Variants in MYL7 observed in about 807,000 individuals in gnomAD.
The protein encoded by MYL7 is myosin regulatory light chain 2, atrial isoform.
Under a neutral mutation model 22.5 loss-of-function variants are expected in MYL7, and 27 were observed. That is an observed-to-expected ratio of 1.20 (90% CI 0.89 to 1.66). The LOEUF (loss-of-function observed/expected upper bound fraction) is 1.66, where lower values mean the gene tolerates loss of function less well. Among genes scored for constraint, MYL7 ranks in the 40% most tolerant of loss-of-function variants. MYL7 has a pLI of 0.00. For missense variants in MYL7, 209 were observed against 226.8 expected, an observed-to-expected ratio of 0.92 and a Z score of 0.50; for synonymous variants, 81 against 84.4, an observed-to-expected ratio of 0.96 and a Z score of 0.22.
chr7:44,139,717 T>A, intron 5 of MYL7, 65 bp downstream of exon 5: 2 of 1,592,542 alleles, frequency 1.3e-6, no homozygotes, highest in Non-Finnish European at 1.7e-6. Flanking sequence ...CCCCCCTCAC[T>A]AGGGGCCTCA....
chr7:44,141,016 C>T lies in MYL7; in HGVS notation c.62G>A (p.Gly21Asp), dbSNP rs1442753565. Residue 21 changes from glycine (G) to aspartate (D), a missense_variant, in exon 2 of 7, where the codon GGT becomes GAT. Gly to Asp is a moderately conservative substitution (Grantham distance 94). Coordinates refer to ENST00000223364, the MANE Select transcript of MYL7 (RefSeq NM_021223.3). ...AAACATGGAAAAGACGTTGGAAGAA[C>T]CACGTTGGGCCTGCTTGGTGGCTGC... ...KVAATKQAQR[G>D]SSNVFSMFEQ... 1 of 1,613,990 alleles carries T rather than the reference C, an allele frequency of 6.2e-7. No individual in the cohort carries two copies. Among genetic ancestry groups the T allele is most frequent in the East Asian group, 2.2e-5 (1 of 44,864 alleles).
intron 1 of MYL7, 102 bp from the exon 2 acceptor site, chr7:44,141,176 GC>G (rs2096265234): frequency 4.5e-6 from 7 of 1,572,644 alleles, no homozygotes; most frequent in Non-Finnish European, 5.2e-6. Context: ...GAGAGCCAGG[GC>G]CAGGATCCTC....
intron 6 of MYL7, 187 bp downstream of exon 6, chr7:44,139,334 C>A (rs115100961): frequency 2.7e-6 from 2 of 754,246 alleles, no homozygotes; most frequent in Admixed American, 3.9e-5. Context: ...CCCTGCCTGG[C>A]GCACCCTGCC....
At chr7:44,140,291 G>A in intron 4 of MYL7, 32 bp downstream of exon 4, 3 of 1,590,758 alleles carry the variant, frequency 1.9e-6, no homozygotes, top group Non-Finnish European at 1.7e-6. Flanking sequence ...TCCCTGCCTG[G>A]CCAAGGGTGC....
rs1410556199 is a variant in MYL7 at position 44,138,908 on chromosome 7, C to G, written c.*13G>C. The G allele has an allele frequency of 6.2e-7, 1 of 1,609,860 alleles. No individual in the cohort carries two copies. The highest frequency in any genetic ancestry group is 8.5e-7 in the Non-Finnish European group (1 of 1,176,108). ...TTTATTGAGGTGCCCCCCCGTGGGC[C>G]TGGCCCTGCCCCTCATTCCTCTTTC... On this transcript the variant is annotated 3_prime_UTR_variant, in exon 7 of 7. Coordinates refer to ENST00000223364, the MANE Select transcript of MYL7 (RefSeq NM_021223.3).
Position 44,139,983 on chromosome 7 carries a change from T to C in MYL7, c.299-123A>G, listed in dbSNP as rs1484464102. ...GAAGAGGTGGGGGTATTCCCTAACATAAAATGTTTCTCGGGGATCAGTGGG... is the reference window on the plus strand; with the variant it reads ...GAAGAGGTGGGGGTATTCCCTAACACAAAATGTTTCTCGGGGATCAGTGGG... On this transcript the variant is annotated intron_variant, in intron 4 of 6. Transcript: ENST00000223364. The C allele has an allele frequency of 5.7e-6, 5 of 876,158 alleles. No individual in the cohort carries two copies. In the East Asian group the frequency reaches 1.4e-4, roughly 24 times the overall value. The allele number at this position is 876,158 out of a possible 1,614,324, so 54.3% of individuals were successfully genotyped here.
At position 44,139,473 on chromosome 7, in the gene MYL7, CCA is replaced by C. The variant is rs752405505; in HGVS notation, c.426+46_426+47del. 1.1e-5 allele frequency: 18 copies of C among 1,603,722 alleles called. No individual in the cohort carries two copies. The South Asian group carries it at 1.5e-4, about 14-fold the overall frequency. ...TGGGCTCTGGGTCATGGGTGAAGGCCCAGAGAAGGTGCTGGGGATGAGTATTG... is the reference window on the plus strand; with the variant it reads ...TGGGCTCTGGGTCATGGGTGAAGGCCGAGAAGGTGCTGGGGATGAGTATTG... On this transcript the variant is annotated intron_variant, in intron 6 of 6. Transcript: ENST00000223364.
rs1393909868 is a variant in MYL7 at position 44,139,552 on chromosome 7, A to G, written c.395T>C (p.Leu132Pro). ...TGGAGAGAACTTGTCTGCCTGGGTC[A>G]GGAGAAGCTGCTTGAACCTGGGGGG... ...VNKDEFKQLL[L>P]TQADKFSPAE... The change falls in exon 6 of 7, where the codon CTG becomes CCG. Residue 132 changes from leucine to proline, a missense_variant. Transcript: ENST00000223364. 6.2e-7 allele frequency: 1 copy of G among 1,610,242 alleles called. No homozygotes were observed.
At chr7:44,139,682 G>A (rs910294098) in intron 5 of MYL7, 100 bp downstream of exon 5, 2 of 1,572,420 alleles carry the variant, frequency 1.3e-6, no homozygotes, top group African/African-American at 1.4e-5. Flanking sequence ...CCAAAGAGCA[G>A]TGTAAGGCCC....
intron 6 of MYL7, 135 bp downstream of exon 6, chr7:44,139,386 G>C: frequency 2.0e-6 from 2 of 993,402 alleles, no homozygotes. Flanking sequence ...GGTCTCAACA[G>C]AGATGGCACC....
chr7:44,139,949 C>A, intron 4 of MYL7, 89 bp from the exon 5 acceptor site: 1 of 1,176,074 alleles, frequency 8.5e-7, no homozygotes, highest in Non-Finnish European at 1.2e-6. Context: ...AGGAGCCTCC[C>A]ACATCCCAGA....
rs770372940 is a variant in MYL7, at chr7:44,140,440, G to A, written c.194-13C>T. 1.2e-6 allele frequency: 2 copies of A among 1,607,638 alleles called. No individual in the cohort carries two copies. The highest frequency in any genetic ancestry group is 1.1e-5 in the South Asian group (1 of 90,864). On this transcript the variant is annotated splice_polypyrimidine_tract_variant and intron_variant, in intron 3 of 6. Transcript: ENST00000223364. ...ACACTCACCTTCCCTGGTGGGGGTG[G>A]GGCATGAGGTGCACACAGGGACCCT...
chr7:44,140,988 T>C lies in MYL7; in HGVS notation c.90A>G (p.Glu30=). 2 of 1,613,874 alleles carry C rather than the reference T, an allele frequency of 1.2e-6. No individual in the cohort carries two copies. The highest frequency in any genetic ancestry group is 1.7e-6 in the Non-Finnish European group (2 of 1,179,912). The change falls in exon 2 of 7, where the codon GAA becomes GAG. Residue 30 remains glutamate, a synonymous_variant. Coordinates refer to ENST00000223364, the MANE Select transcript of MYL7 (RefSeq NM_021223.3). ...RGSSNVFSMF[E]QAQIQEFKEA... The stretch of plus-strand genomic sequence containing the variant: ...CTTTGAACTCCTGTATCTGGGCTTG[T>C]TCAAACATGGAAAAGACGTTGGAAG...
chr7:44,139,144 C>T (rs882020), intron 6 of MYL7, 122 bp from the exon 7 acceptor site: 110,915 of 719,804 alleles, frequency 0.15, 8,902 homozygotes, highest in South Asian at 0.19. Flanking sequence ...CTTAGCTTTT[C>T]AACCCTAGAC....
At chr7:44,140,247 C>T (rs2096263596) in intron 4 of MYL7, 76 bp downstream of exon 4, 1 of 1,258,162 alleles carries the variant, frequency 7.9e-7, no homozygotes, top group Non-Finnish European at 1.2e-6. Context: ...GGGGTTCAGG[C>T]AGGGTTCAGG....
intron 3 of MYL7, 113 bp from the exon 4 acceptor site, chr7:44,140,540 G>T: frequency 1.7e-6 from 2 of 1,172,962 alleles, no homozygotes; most frequent in Non-Finnish European, 2.4e-6. Flanking sequence ...AGGCAGCTGT[G>T]GGTCGGGAAG....
At chr7:44,141,158 AT>A (rs1391104094) in intron 1 of MYL7, 84 bp from the exon 2 acceptor site, 1 of 1,568,842 alleles carries the variant, frequency 6.4e-7, no homozygotes, top group African/African-American at 1.4e-5. Context: ...GTCCCAGAGC[AT>A]TCCCAGGAGA....
At chr7:44,140,010 C>T (rs2096263334) in intron 4 of MYL7, 150 bp from the exon 5 acceptor site, 7 of 774,296 alleles carry the variant, frequency 9.0e-6, no homozygotes, top group Non-Finnish European at 1.4e-5. Flanking sequence ...ATCAGTGGGG[C>T]TGGGAATGGT....
chr7:44,140,998 G>T lies in MYL7; in HGVS notation c.80C>A (p.Ser27Tyr). 6.2e-7 allele frequency: 1 copy of T among 1,613,932 alleles called. No homozygotes were observed. The highest frequency in any genetic ancestry group is 8.5e-7 in the Non-Finnish European group (1 of 1,179,938). ...CTGTATCTGGGCTTGTTCAAACATG[G>T]AAAAGACGTTGGAAGAACCACGTTG... is the stretch of plus-strand genomic sequence containing the variant. ...QAQRGSSNVF[S>Y]MFEQAQIQEF... Residue 27 changes from serine to tyrosine, a missense_variant, in exon 2 of 7, where the codon TCC becomes TAC. Coordinates refer to ENST00000223364, the MANE Select transcript of MYL7 (RefSeq NM_021223.3).
Sources: allele counts gnomAD v4.1 joint callset, GRCh38; gene constraint gnomAD v4.1.1; transcripts MANE v1.5; gene names NCBI Gene and HGNC (gene_info 2026-07-23, HGNC 2026-07-21).